The following GALNT1 variants were observed in gnomAD, a reference collection of about 807,000 sequenced individuals.
GALNT1 encodes GalNAc transferase 1.
In GALNT1, 17 loss-of-function variants were observed where a neutral mutation model predicts 65.7. The ratio of observed to expected loss-of-function variants is 0.26; its 90% confidence interval spans 0.18 to 0.39. GALNT1 has a LOEUF of 0.39. GALNT1 is among the 10% of genes least tolerant of loss of function. GALNT1 has a pLI of 1.00. For missense variants in GALNT1, 460 were observed against 672.8 expected (o/e 0.68, Z 3.50); for synonymous variants, 210 against 219.7 (o/e 0.96, Z 0.39).
rs565706382 is a variant in GALNT1 at position 35,631,150 on chromosome 18, A to C, written c.-103-23410A>C. Among the ~76,000 whole-genome samples the C allele has an allele frequency of 6.4e-3, 979 of 152,234 alleles. 19 individuals are homozygous for C. The highest frequency in any genetic ancestry group is 0.022 in the African/African-American group (920 of 41,550). On this transcript the variant is annotated intron_variant, in intron 1 of 11. Transcript: ENST00000269195. ...CAAGGAGGAGCTGGTACCATTCCTT[A>C]TGAAACTATTCCAATCAATAGAAAA...
chr18:35,658,300 A>T (rs1309426449), intron 2 of GALNT1, among the ~76,000 whole-genome samples: 1 of 152,176 alleles, frequency 6.6e-6, no homozygotes, highest in Non-Finnish European at 1.5e-5. Flanking sequence ...GCTTTACAAC[A>T]GCCTGGGGGT....
At chr18:35,631,611 G>A (rs1284047097) in intron 1 of GALNT1, among the ~76,000 whole-genome samples, 1 of 152,092 alleles carries the variant, frequency 6.6e-6, no homozygotes, top group Non-Finnish European at 1.5e-5. Context: ...TACTGAATGG[G>A]CAAAAACTGG....
intron 1 of GALNT1, among the ~76,000 whole-genome samples, chr18:35,638,695 C>T (rs2047124361): frequency 2.6e-5 from 4 of 152,146 alleles, no homozygotes; most frequent in Admixed American, 1.3e-4. Context: ...CAATTTTTCC[C>T]ACCACAGTGA....
intron 9 of GALNT1, among the ~76,000 whole-genome samples, chr18:35,700,881 A>T (rs1598811910): frequency 6.6e-6 from 1 of 152,164 alleles, no homozygotes. Flanking sequence ...TGAAGATAAC[A>T]CTGGTGTTAA....
At chr18:35,673,717 A>G (rs1014669099) in intron 3 of GALNT1, among the ~76,000 whole-genome samples, 9 of 152,178 alleles carry the variant, frequency 5.9e-5, no homozygotes, top group Non-Finnish European at 8.8e-5. Context: ...GATTGCAGAC[A>G]TGAGCCCCTG....
intron 1 of GALNT1, among the ~76,000 whole-genome samples, chr18:35,647,480 G>A (rs2047245757): frequency 6.6e-6 from 1 of 152,138 alleles, no homozygotes; most frequent in African/African-American, 2.4e-5. Context: ...GAGAAATAGA[G>A]CAAATAGAAT....
intron 1 of GALNT1, among the ~76,000 whole-genome samples, chr18:35,615,927 C>G (rs1023559562): frequency 6.6e-6 from 1 of 152,196 alleles, no homozygotes; most frequent in Non-Finnish European, 1.5e-5. Context: ...GTATTTTAGC[C>G]TTTGCAGGCC....
chr18:35,692,644 C>T (rs932375336), intron 9 of GALNT1, among the ~76,000 whole-genome samples: 1 of 150,832 alleles, frequency 6.6e-6, no homozygotes, highest in African/African-American at 2.4e-5. Context: ...TCTGTAAAAT[C>T]TGTATATATA....
intron 2 of GALNT1, among the ~76,000 whole-genome samples, chr18:35,657,765 T>C (rs1258632868): frequency 6.6e-6 from 1 of 152,192 alleles, no homozygotes; most frequent in East Asian, 1.9e-4. Context: ...AGTCAGTGGA[T>C]TCTGGATTCA....
intron 1 of GALNT1, among the ~76,000 whole-genome samples, chr18:35,636,365 A>G (rs2144246528): frequency 1.3e-5 from 2 of 152,338 alleles, no homozygotes; most frequent in Middle Eastern, 3.4e-3. Context: ...CCAGAGGGAA[A>G]GACTGTCTTA....
chr18:35,633,684 A>T (rs368868986), intron 1 of GALNT1, among the ~76,000 whole-genome samples: 1 of 152,166 alleles, frequency 6.6e-6, no homozygotes, highest in African/African-American at 2.4e-5. Flanking sequence ...CCTCGAACCT[A>T]AAAGTATTAT....
intron 3 of GALNT1, among the ~76,000 whole-genome samples, chr18:35,668,440 A>G (rs1199839152): frequency 2.0e-5 from 3 of 152,212 alleles, no homozygotes; most frequent in African/African-American, 7.2e-5. Context: ...GTTCTTTGGA[A>G]AAAAATCAAC....
intron 3 of GALNT1, among the ~76,000 whole-genome samples, chr18:35,671,072 T>G (rs1221051418): frequency 6.6e-6 from 1 of 152,182 alleles, no homozygotes; most frequent in East Asian, 1.9e-4. Flanking sequence ...GAAAGGACTT[T>G]GTTTTAGGTG....
intron 2 of GALNT1, among the ~76,000 whole-genome samples, chr18:35,659,341 G>C (rs773870458): frequency 2.6e-5 from 4 of 152,136 alleles, no homozygotes; most frequent in Non-Finnish European, 5.9e-5. Context: ...CTTGTTACTT[G>C]CCTGCTTCAA....
At chr18:35,609,467 G>A (rs1158028639) in intron 1 of GALNT1, among the ~76,000 whole-genome samples, 1 of 152,110 alleles carries the variant, frequency 6.6e-6, no homozygotes, top group Non-Finnish European at 1.5e-5. Flanking sequence ...TGCCTGGAGC[G>A]CCTTGCTGCC....
At chr18:35,697,149 C>A (rs1160793446) in intron 9 of GALNT1, among the ~76,000 whole-genome samples, 1 of 152,106 alleles carries the variant, frequency 6.6e-6, no homozygotes, top group African/African-American at 2.4e-5. Context: ...AGAAAACCAA[C>A]GGTTACTGTG....
At chr18:35,706,623 C>T (rs2048265957) in intron 11 of GALNT1, among the ~76,000 whole-genome samples, 1 of 152,168 alleles carries the variant, frequency 6.6e-6, no homozygotes, top group African/African-American at 2.4e-5. Flanking sequence ...GGATTGATTT[C>T]TCCCAGAAGC....
chr18:35,629,217 C>A (rs12959465), intron 1 of GALNT1, among the ~76,000 whole-genome samples: 2 of 151,954 alleles, frequency 1.3e-5, no homozygotes, highest in African/African-American at 2.4e-5. Flanking sequence ...ATACAGAGAA[C>A]GCCACAAAGA....
intron 1 of GALNT1, among the ~76,000 whole-genome samples, chr18:35,625,043 A>T (rs1429802587): frequency 1.3e-5 from 2 of 152,228 alleles, no homozygotes; most frequent in Non-Finnish European, 2.9e-5. Flanking sequence ...GTGGAAAGTA[A>T]TGCATTAGGA....
Sources: allele counts gnomAD v4.1 joint callset (sites outside exome capture counted in the v4.1 genomes callset), GRCh38; gene constraint gnomAD v4.1.1; transcripts MANE v1.5; gene names NCBI Gene and HGNC (gene_info 2026-07-23, HGNC 2026-07-21).